GALNT1: variants seen among roughly 807,000 people sequenced by gnomAD.
The protein encoded by GALNT1 is GalNAc transferase 1.
GALNT1 carries 17 observed loss-of-function variants against 65.7 expected under a neutral mutation model. The observed-to-expected ratio is 0.26, with a 90% CI of 0.18 to 0.39. GALNT1 has a LOEUF of 0.39. Among genes scored for constraint, GALNT1 ranks in the 10% least tolerant of loss-of-function variants. The pLI, the probability that GALNT1 is intolerant of heterozygous loss-of-function variation, is 1.00. For synonymous variants in GALNT1, 210 were observed against 219.7 expected (o/e 0.96, Z 0.39); for missense variants, 460 against 672.8 (o/e 0.68, Z 3.50).
chr18:35,692,341 T>C (rs1219895727), intron 9 of GALNT1, 21 bp downstream of exon 9: 3 of 1,418,566 alleles, frequency 2.1e-6, no homozygotes, highest in East Asian at 4.8e-5. Flanking sequence ...TATATATATA[T>C]ATTCTATGTG....
chr18:35,676,700 C>A (rs2144566352), intron 3 of GALNT1, among the ~76,000 whole-genome samples: 1 of 152,178 alleles, frequency 6.6e-6, no homozygotes, highest in South Asian at 2.1e-4. Flanking sequence ...ATCGGGGATA[C>A]CTGGGAGATA....
intron 1 of GALNT1, among the ~76,000 whole-genome samples, chr18:35,589,121 T>C (rs1057242325): frequency 2.6e-5 from 4 of 152,134 alleles, no homozygotes; most frequent in Non-Finnish European, 5.9e-5. Context: ...TAGAGGAAAT[T>C]AGAAGTACAG....
intron 1 of GALNT1, chr18:35,596,097 A>G (rs578122045): frequency 6.6e-6 from 1 of 152,328 alleles, no homozygotes; most frequent in South Asian, 2.1e-4. Context: ...GATTTTAAAT[A>G]TAGAGATTAG....
intron 1 of GALNT1, among the ~76,000 whole-genome samples, chr18:35,646,069 G>A (rs1302625554): frequency 3.3e-5 from 5 of 152,058 alleles, no homozygotes; most frequent in African/African-American, 9.7e-5. Context: ...ACAGTTCCAC[G>A]GGCTTACCAG....
chr18:35,691,008 T>A lies in GALNT1; in HGVS notation c.979-4T>A. On this transcript the variant is annotated splice_region_variant and splice_polypyrimidine_tract_variant and intron_variant, in intron 7 of 11. Transcript: ENST00000269195. ...TGTTACATGGTCATCTCTGCTGTTT[T>A]CAGATTTGGCAGTGTGGAGGAACTT... 2 of 1,588,920 alleles carry A rather than the reference T, an allele frequency of 1.3e-6. No individual in the cohort carries two copies. Among genetic ancestry groups the A allele is most frequent in the Non-Finnish European group, 1.7e-6 (2 of 1,170,140 alleles).
chr18:35,664,055 A>T, intron 3 of GALNT1: 1 of 418,686 alleles, frequency 2.4e-6, no homozygotes, highest in South Asian at 2.8e-5. Flanking sequence ...TTTAAACTTT[A>T]TTATTACCAA....
chr18:35,624,215 G>T (rs2046889412), intron 1 of GALNT1, among the ~76,000 whole-genome samples: 1 of 152,106 alleles, frequency 6.6e-6, no homozygotes, highest in Non-Finnish European at 1.5e-5. Context: ...ATATTTTAGG[G>T]TTCTCACTTT....
intron 1 of GALNT1, among the ~76,000 whole-genome samples, chr18:35,612,043 T>G (rs2046724776): frequency 6.6e-6 from 1 of 152,212 alleles, no homozygotes; most frequent in Non-Finnish European, 1.5e-5. Flanking sequence ...TCATTTATTA[T>G]ATGTAATTAT....
chr18:35,696,011 G>A (rs1212622962), intron 9 of GALNT1, among the ~76,000 whole-genome samples: 2 of 152,194 alleles, frequency 1.3e-5, no homozygotes, highest in East Asian at 3.9e-4. Context: ...CATGGTAGAT[G>A]ACTGCCAAGG....
intron 9 of GALNT1, among the ~76,000 whole-genome samples, chr18:35,696,983 T>C (rs1404440901): frequency 1.3e-5 from 2 of 152,234 alleles, no homozygotes; most frequent in Non-Finnish European, 2.9e-5. Flanking sequence ...AAACTTAAGC[T>C]CTAACCTCTT....
intron 1 of GALNT1, among the ~76,000 whole-genome samples, chr18:35,603,388 C>A (rs2046605765): frequency 6.6e-6 from 1 of 152,124 alleles, no homozygotes; most frequent in Non-Finnish European, 1.5e-5. Context: ...GGAGATCTTA[C>A]TAGCCTCAGA....
intron 1 of GALNT1, chr18:35,597,124 G>T (rs1444282649): frequency 6.6e-6 from 1 of 152,220 alleles, no homozygotes; most frequent in Non-Finnish European, 1.5e-5. Context: ...TTACCACTGG[G>T]ATGATTGAAC....
intron 3 of GALNT1, among the ~76,000 whole-genome samples, chr18:35,676,948 CATAA>C (rs761930056): frequency 2.6e-5 from 4 of 152,194 alleles, no homozygotes; most frequent in African/African-American, 7.2e-5. Context: ...CATGCTCAGG[CATAA>C]ATAGTCTTTA....
At chr18:35,708,054 C>CG (rs2048294376) in intron 11 of GALNT1, among the ~76,000 whole-genome samples, 1 of 152,162 alleles carries the variant, frequency 6.6e-6, no homozygotes, top group African/African-American at 2.4e-5. Context: ...TACATTATCT[C>CG]AGTGTTTCCT....
chr18:35,668,650 G>A (rs1332804879), intron 3 of GALNT1, among the ~76,000 whole-genome samples: 3 of 152,066 alleles, frequency 2.0e-5, no homozygotes, highest in Admixed American at 6.5e-5. Flanking sequence ...TGATTAGTGG[G>A]CATAAAGTTT....
chr18:35,677,852 C>T (rs979016338), intron 4 of GALNT1, 95 bp downstream of exon 4: 10 of 886,038 alleles, frequency 1.1e-5, no homozygotes, highest in African/African-American at 1.7e-5. Context: ...TAATTTTATA[C>T]AAAATTCTAA....
At chr18:35,709,436 T>TTCTCTCTCTCTC (rs58566456) in intron 11 of GALNT1, among the ~76,000 whole-genome samples, 188 bp from the exon 12 acceptor site, 2 of 148,404 alleles carry the variant, frequency 1.3e-5, no homozygotes, top group African/African-American at 2.5e-5. Flanking sequence ...ATCTACCTAC[T>TTCTCTCTCTCTC]TCTCTCTCTC....
At chr18:35,640,644 A>T (rs965364137) in intron 1 of GALNT1, among the ~76,000 whole-genome samples, 1 of 152,192 alleles carries the variant, frequency 6.6e-6, no homozygotes, top group Admixed American at 6.5e-5. Flanking sequence ...ACACTCCTCT[A>T]AAGAAGTTGT....
At chr18:35,694,934 T>C (rs548618093) in intron 9 of GALNT1, among the ~76,000 whole-genome samples, 1 of 152,318 alleles carries the variant, frequency 6.6e-6, no homozygotes, top group Non-Finnish European at 1.5e-5. Flanking sequence ...AGAAATGCTG[T>C]ATGATTCTCC....
Sources: allele counts gnomAD v4.1 joint callset (sites outside exome capture counted in the v4.1 genomes callset), GRCh38; gene constraint gnomAD v4.1.1; transcripts MANE v1.5; gene names NCBI Gene and HGNC (gene_info 2026-07-23, HGNC 2026-07-21).